The following CLEC12B variants were observed in gnomAD, a reference collection of about 807,000 sequenced individuals.
The protein encoded by CLEC12B is C-type lectin domain family 12 member B.
A neutral mutation model predicts 36.1 loss-of-function variants in CLEC12B; 25 were observed. The observed-to-expected ratio is 0.69, with a 90% CI of 0.50 to 0.97. CLEC12B has a LOEUF of 0.97. Ranked by LOEUF, CLEC12B falls within the 50% of genes least tolerant of loss-of-function variation. CLEC12B has a pLI of 0.00. For missense variants in CLEC12B, 325 were observed against 318.4 expected (o/e 1.02, Z -0.16); for synonymous variants, 110 against 108.5 (o/e 1.01, Z -0.09).
At chr12:10,006,558 G>A (rs1248668781), upstream of CLEC12B, among the ~76,000 whole-genome samples, 2 of 151,874 alleles carry the variant, frequency 1.3e-5, no homozygotes, top group African/African-American at 4.8e-5. Flanking sequence ...GGGAGGATTG[G>A]GTTGTGAGTG....
chr12:10,006,698 A>C (rs1157141873), upstream of CLEC12B, among the ~76,000 whole-genome samples: 1 of 152,160 alleles, frequency 6.6e-6, no homozygotes, highest in African/African-American at 2.4e-5. Flanking sequence ...GAATCCTGAG[A>C]ACTAGCCATT....
At chr12:10,009,991 A>G (rs1865284469), upstream of CLEC12B, among the ~76,000 whole-genome samples, 1 of 152,132 alleles carries the variant, frequency 6.6e-6, no homozygotes. Flanking sequence ...TCTTTTTAAA[A>G]TCTTGTCCTG....
In CLEC12B at chr12:10,013,783, T is replaced by G. The variant is rs148075729; in HGVS notation, c.191-740T>G. ...TGCCAACATAAAAAGAGACTAATGA[T>G]GTACCTTGCTCTTTTGAAAAGGAAT... On this transcript the variant is annotated intron_variant, in intron 2 of 5. Transcript: ENST00000338896. 9.5e-4 allele frequency among the ~76,000 whole-genome samples: 144 copies of G among 152,306 alleles called. 3 individuals carry two copies. The East Asian group carries it at 0.027, about 28-fold the overall frequency.
intron 3 of CLEC12B, 62 bp downstream of exon 3, chr12:10,014,803 C>A: frequency 1.8e-6 from 2 of 1,085,526 alleles, no homozygotes; most frequent in Non-Finnish European, 2.8e-6. Context: ...CTAAGTTGAT[C>A]ACATGTACCA....
chr12:10,007,077 A>C (rs1435318712), upstream of CLEC12B, among the ~76,000 whole-genome samples: 1 of 151,972 alleles, frequency 6.6e-6, no homozygotes, highest in Non-Finnish European at 1.5e-5. Flanking sequence ...GAAAGAATAA[A>C]AATAAAAAAA....
At chr12:10,011,752 G>A (rs980185054) in intron 1 of CLEC12B, among the ~76,000 whole-genome samples, 1 of 152,294 alleles carries the variant, frequency 6.6e-6, no homozygotes, top group Admixed American at 6.5e-5. Context: ...TTTACATTTT[G>A]TGTGGTGCAT....
chr12:10,017,473 TAATC>T, intron 5 of CLEC12B: 4 of 985,418 alleles, frequency 4.1e-6, no homozygotes, highest in South Asian at 9.4e-5. Context: ...TACTCACTCT[TAATC>T]AAAGTGTGGA....
rs1565579942 is a variant in CLEC12B at position 10,014,608 on chromosome 12, AT to A, written c.277del (p.Ser93ProfsTer25). 8 of 1,613,876 alleles carry A rather than the reference AT, an allele frequency of 5.0e-6. No homozygotes were observed. The South Asian group carries it at 8.8e-5, about 18-fold the overall frequency. ...KTIQQQQDNL[S>X]QQLGNSNNLS... ...CCATCCAACAGCAGCAGGATAACTT[AT>A]CCCAGCAACTGGGCAACTCCAACAA... On this transcript the variant is annotated frameshift_variant, in exon 3 of 6. Transcript: ENST00000338896. LOFTEE classifies it high-confidence loss of function.
At chr12:10,013,043 C>T (rs1865373479) in intron 2 of CLEC12B, 160 bp downstream of exon 2, 12 of 634,758 alleles carry the variant, frequency 1.9e-5, no homozygotes, top group Admixed American at 1.8e-4. Flanking sequence ...CCCAAAAAAC[C>T]GGCAAAAGAC....
chr12:10,012,249 T>C (rs1182971802), intron 1 of CLEC12B, among the ~76,000 whole-genome samples: 1 of 152,202 alleles, frequency 6.6e-6, no homozygotes, highest in Non-Finnish European at 1.5e-5. Context: ...TTATAGAGAC[T>C]TTTGAGCTCA....
In CLEC12B at chr12:10,010,706, C is replaced by A; in HGVS notation, c.-54C>A. 1 of 1,183,618 alleles carries A rather than the reference C, an allele frequency of 8.4e-7. No individual in the cohort carries two copies. The highest frequency in any genetic ancestry group is 1.2e-6 in the Non-Finnish European group (1 of 806,436). The allele number at this position is 1,183,618 out of a possible 1,614,324, so 73.3% of individuals were successfully genotyped here. ...TTGAAAAACACATGCTGTTCCCAGGCCTCAAGATATTGAAACATTAATTAG... is the reference window on the plus strand; with the variant it reads ...TTGAAAAACACATGCTGTTCCCAGGACTCAAGATATTGAAACATTAATTAG... On this transcript the variant is annotated 5_prime_UTR_variant, in exon 1 of 6. Coordinates refer to ENST00000338896, the MANE Select transcript of CLEC12B (RefSeq NM_001129998.3).
intron 3 of CLEC12B, 89 bp from the exon 4 acceptor site, chr12:10,015,163 A>G (rs1440294557): frequency 9.1e-7 from 1 of 1,098,110 alleles, no homozygotes; most frequent in Admixed American, 2.2e-5. Context: ...CTCAGTCCCT[A>G]TTGTTCAATT....
Position 10,017,708 on chromosome 12 carries a change from AAAAAC to A in CLEC12B, c.681-620_681-616del, listed in dbSNP as rs561798752. 1.9e-4 allele frequency: 176 copies of A among 927,038 alleles called. No individual in the cohort carries two copies. In the African/African-American group the frequency reaches 2.9e-3, roughly 15 times the overall value. The allele number at this position is 927,038 out of a possible 1,614,324, so 57.4% of individuals were successfully genotyped here. The stretch of plus-strand genomic sequence containing the variant: ...GCAGTGTAATGCAGGTCATTTAGAA[AAAAAC>A]AATGTTGGGCACAAAGAAAATTTAG... On this transcript the variant is annotated intron_variant, in intron 5 of 5. Coordinates refer to ENST00000338896, the MANE Select transcript of CLEC12B (RefSeq NM_001129998.3).
At chr12:10,011,742 T>C (rs1865332210) in intron 1 of CLEC12B, among the ~76,000 whole-genome samples, 1 of 152,370 alleles carries the variant, frequency 6.6e-6, no homozygotes, top group Admixed American at 6.5e-5. Flanking sequence ...TAGATTTATC[T>C]TTACATTTTG....
upstream of CLEC12B, among the ~76,000 whole-genome samples, chr12:10,008,692 T>C (rs1444367796): frequency 6.6e-6 from 1 of 152,196 alleles, no homozygotes; most frequent in East Asian, 1.9e-4. Flanking sequence ...TGGATCATAA[T>C]AATAGAAAGT....
At position 10,018,643 on chromosome 12, in the gene CLEC12B, G is replaced by T; in HGVS notation, c.*162G>T. The T allele has an allele frequency of 3.2e-6, 2 of 618,250 alleles. No individual in the cohort carries two copies. The highest frequency in any genetic ancestry group is 4.1e-5 in the South Asian group (2 of 48,234). The allele number at this position is 618,250 out of a possible 1,614,324, so 38.3% of individuals were successfully genotyped here. ...TTAACAGAACATTCTCCAGTTCCTT[G>T]TCTGACGTCTTCTGATTTGATGTTA... On this transcript the variant is annotated 3_prime_UTR_variant, in exon 6 of 6. Coordinates refer to ENST00000338896, the MANE Select transcript of CLEC12B (RefSeq NM_001129998.3).
At chr12:10,010,200 T>TCTCA (rs370060573), upstream of CLEC12B, among the ~76,000 whole-genome samples, 27,207 of 145,532 alleles carry the variant, frequency 0.19, 2,613 homozygotes, top group Non-Finnish European at 0.22. Flanking sequence ...TGTCTCTCTC[T>TCTCA]CACACACACA....
upstream of CLEC12B, among the ~76,000 whole-genome samples, chr12:10,006,861 C>T (rs568503136): frequency 2.4e-4 from 37 of 152,014 alleles, no homozygotes; most frequent in Non-Finnish European, 4.9e-4. Context: ...CGAGACCATC[C>T]TGGCTAACAC....
At chr12:10,010,278 C>T (rs1865296089), upstream of CLEC12B, among the ~76,000 whole-genome samples, 2 of 151,780 alleles carry the variant, frequency 1.3e-5, no homozygotes, top group African/African-American at 4.8e-5. Context: ...TGTGGCACAG[C>T]TCTTTCTGTC....
Sources: gnomAD v4.1 joint callset for allele counts (sites outside exome capture counted in the v4.1 genomes callset) on GRCh38, gnomAD v4.1.1 for gene constraint, MANE v1.5 for transcripts, NCBI Gene and HGNC (gene_info 2026-07-23, HGNC 2026-07-21) for gene names.